LOC400499: variants seen among roughly 807,000 people sequenced by gnomAD.
the LOC400499 span, among the ~76,000 whole-genome samples, chr16:11,398,660 G>A: frequency 3.0e-5 from 3 of 101,226 alleles, no homozygotes; most frequent in East Asian, 2.6e-4. Flanking sequence ...TACACTCTGC[G>A]GCAGGATTTT....
the LOC400499 span, chr16:11,399,731 C>A: frequency 5.0e-6 from 2 of 398,936 alleles, no homozygotes; most frequent in Non-Finnish European, 8.8e-6. Flanking sequence ...AGGCAGCCGT[C>A]CCAGGCGGTG....
chr16:11,372,250 C>T, the LOC400499 span: 1 of 152,356 alleles, frequency 6.6e-6, no homozygotes, highest in Admixed American at 6.5e-5. Flanking sequence ...CATCACTTCC[C>T]TTCAAGGAAA....
the LOC400499 span, among the ~76,000 whole-genome samples, chr16:11,385,905 C>T: frequency 3.3e-5 from 5 of 152,158 alleles, no homozygotes; most frequent in South Asian, 4.1e-4. Flanking sequence ...GGCACGGCGG[C>T]GCTAAAAGCC....
chr16:11,461,975 C>T, the LOC400499 span: 1 of 750,110 alleles, frequency 1.3e-6, no homozygotes, highest in South Asian at 3.2e-5. Flanking sequence ...TCTGGGGGCT[C>T]ACATGGAGCT....
At chr16:11,375,731 C>CTTTTTT in the LOC400499 span, among the ~76,000 whole-genome samples, 10 of 96,554 alleles carry the variant, frequency 1.0e-4, no homozygotes, top group Admixed American at 1.9e-4. Flanking sequence ...GTCCTTTGTA[C>CTTTTTT]ATTTTTTTTT....
the LOC400499 span, chr16:11,485,043 T>C: frequency 1.0e-5 from 4 of 399,006 alleles, no homozygotes; most frequent in African/African-American, 8.2e-5. Context: ...CTGTGAGCAA[T>C]TTCCTCAGCA....
At chr16:11,384,811 C>A in the LOC400499 span, 6 of 1,201,442 alleles carry the variant, frequency 5.0e-6, no homozygotes, top group Non-Finnish European at 6.2e-6. Context: ...AGCCCCCTGC[C>A]GCCCTGGAAG....
chr16:11,443,912 G>GT, the LOC400499 span, among the ~76,000 whole-genome samples: 3 of 151,546 alleles, frequency 2.0e-5, no homozygotes, highest in African/African-American at 2.4e-5. Flanking sequence ...TCGGCTCACC[G>GT]TAACGTCTGC....
the LOC400499 span, among the ~76,000 whole-genome samples, chr16:11,501,783 C>G: frequency 1.3e-5 from 2 of 152,096 alleles, no homozygotes; most frequent in African/African-American, 4.8e-5. Context: ...CTAATTCCAG[C>G]AAGAGGGTCC....
chr16:11,489,117 G>A, the LOC400499 span, among the ~76,000 whole-genome samples: 1 of 152,204 alleles, frequency 6.6e-6, no homozygotes, highest in African/African-American at 2.4e-5. Flanking sequence ...AGAAAGGAAG[G>A]TGTCATGGAC....
the LOC400499 span, chr16:11,523,645 T>C: frequency 5.1e-6 from 2 of 391,774 alleles, no homozygotes; most frequent in Non-Finnish European, 9.0e-6. Flanking sequence ...AGACTGGAAG[T>C]GATTGCCCTA....
the LOC400499 span, chr16:11,471,440 G>C: frequency 1.6e-5 from 6 of 385,504 alleles, no homozygotes; most frequent in Non-Finnish European, 1.8e-5. Context: ...AGTGACCCCT[G>C]AACTGAGACC....
the LOC400499 span, among the ~76,000 whole-genome samples, chr16:11,456,327 C>T: frequency 1.3e-5 from 2 of 152,158 alleles, no homozygotes; most frequent in African/African-American, 4.8e-5. Flanking sequence ...GGATTACAGG[C>T]GTGAGCCACC....
chr16:11,400,720 C>T, the LOC400499 span, among the ~76,000 whole-genome samples: 1 of 152,158 alleles, frequency 6.6e-6, no homozygotes, highest in Non-Finnish European at 1.5e-5. Context: ...GGATTACAGG[C>T]ATGAGCCACC....
At chr16:11,382,118 G>A in the LOC400499 span, among the ~76,000 whole-genome samples, 4 of 151,522 alleles carry the variant, frequency 2.6e-5, no homozygotes, top group African/African-American at 9.7e-5. Flanking sequence ...TGTATTTGTG[G>A]TAGAGACAGG....
At chr16:11,508,467 G>C in the LOC400499 span, among the ~76,000 whole-genome samples, 1 of 152,294 alleles carries the variant, frequency 6.6e-6, no homozygotes, top group East Asian at 1.9e-4. Context: ...TAGACAGACA[G>C]AGGAGAAAAG....
chr16:11,427,408 T>C, the LOC400499 span, among the ~76,000 whole-genome samples: 3 of 100,034 alleles, frequency 3.0e-5, no homozygotes, highest in Admixed American at 1.0e-4. Context: ...AACAGGGAAA[T>C]GCAAATTAAA....
the LOC400499 span, among the ~76,000 whole-genome samples, chr16:11,394,411 C>G: frequency 6.6e-6 from 1 of 152,178 alleles, no homozygotes; most frequent in African/African-American, 2.4e-5. Context: ...AAGCTGTGCA[C>G]CCTTCAGTAA....
chr16:11,413,505 C>A, the LOC400499 span, among the ~76,000 whole-genome samples: 2 of 152,084 alleles, frequency 1.3e-5, no homozygotes, highest in Non-Finnish European at 2.9e-5. Flanking sequence ...CCAAGCAGGA[C>A]GAGTTCATGC....
Sources: allele counts gnomAD v4.1 joint callset (sites outside exome capture counted in the v4.1 genomes callset), GRCh38; gene constraint gnomAD v4.1.1; transcripts MANE v1.5.